Variants in RBFOX1 observed in about 807,000 individuals in gnomAD.
RBFOX1 encodes RNA binding fox-1 homolog 1.
In RBFOX1, 8 loss-of-function variants were observed where a neutral mutation model predicts 57.7. That is an observed-to-expected ratio of 0.14 (90% CI 0.08 to 0.25). The LOEUF is 0.25. Among genes scored for constraint, RBFOX1 ranks in the 10% least tolerant of loss-of-function variants. The pLI, the probability that RBFOX1 is intolerant of heterozygous loss-of-function variation, is 1.00. For missense variants in RBFOX1, 611 were observed against 548.5 expected, an observed-to-expected ratio of 1.11 and a Z score of -1.14; for synonymous variants, 326 against 222.4, an observed-to-expected ratio of 1.47 and a Z score of -4.15.
chr16:7,612,813 C>A (rs1453327441), intron 10 of RBFOX1, among the ~76,000 whole-genome samples: 1 of 152,096 alleles, frequency 6.6e-6, no homozygotes, highest in Non-Finnish European at 1.5e-5. Context: ...CAGTAAAATA[C>A]ACACTGCAAA....
intron 3 of RBFOX1, among the ~76,000 whole-genome samples, chr16:6,788,164 G>C (rs578156581): frequency 6.6e-6 from 1 of 152,302 alleles, no homozygotes; most frequent in African/African-American, 2.4e-5. Context: ...GGATGTTGGA[G>C]TGAGCTGAGA....
intron 3 of RBFOX1, among the ~76,000 whole-genome samples, chr16:6,670,766 G>A (rs2098759087): frequency 6.6e-6 from 1 of 152,150 alleles, no homozygotes; most frequent in African/African-American, 2.4e-5. Context: ...GGGAGGCCGA[G>A]CTGGGTGGAT....
At chr16:6,402,559 G>T (rs1219906420) in intron 2 of RBFOX1, among the ~76,000 whole-genome samples, 2 of 152,044 alleles carry the variant, frequency 1.3e-5, no homozygotes, top group African/African-American at 2.4e-5. Flanking sequence ...ACTGCTTTCT[G>T]CTTAAGAGTG....
intron 3 of RBFOX1, among the ~76,000 whole-genome samples, chr16:5,721,750 G>A (rs1003798460): frequency 2.6e-5 from 4 of 152,042 alleles, no homozygotes; most frequent in Non-Finnish European, 4.4e-5. Flanking sequence ...TTTATTATCT[G>A]CTCATTCTGA....
intron 14 of RBFOX1, among the ~76,000 whole-genome samples, chr16:7,685,779 C>T (rs1279559651): frequency 2.0e-5 from 3 of 152,070 alleles, no homozygotes; most frequent in Non-Finnish European, 4.4e-5. Context: ...CTCTGGGAAC[C>T]TGTGCCTTGC....
At chr16:6,678,367 A>G (rs1175507186) in intron 3 of RBFOX1, among the ~76,000 whole-genome samples, 2 of 151,916 alleles carry the variant, frequency 1.3e-5, no homozygotes, top group African/African-American at 2.4e-5. Context: ...CAAGTCATCT[A>G]CCCAACTCAG....
intron 3 of RBFOX1, among the ~76,000 whole-genome samples, chr16:6,739,592 G>C (rs994968441): frequency 4.7e-5 from 7 of 148,632 alleles, no homozygotes; most frequent in African/African-American, 1.7e-4. Context: ...AAAATAGAAG[G>C]TGGGCCAGGT....
At chr16:6,366,442 G>A (rs574932461) in intron 2 of RBFOX1, among the ~76,000 whole-genome samples, 1 of 152,152 alleles carries the variant, frequency 6.6e-6, no homozygotes, top group East Asian at 1.9e-4. Flanking sequence ...TTCATGGAGA[G>A]ATATGAGACA....
At chr16:6,232,720 A>G in intron 1 of RBFOX1, among the ~76,000 whole-genome samples, 1 of 152,216 alleles carries the variant, frequency 6.6e-6, no homozygotes, top group African/African-American at 2.4e-5. Context: ...CCTGTCTCTG[A>G]GTTTCTCTTA....
chr16:7,150,117 G>A (rs186130615), intron 4 of RBFOX1, among the ~76,000 whole-genome samples: 3 of 152,186 alleles, frequency 2.0e-5, no homozygotes, highest in East Asian at 1.9e-4. Flanking sequence ...TGCTTATTCC[G>A]GTCATAGGGC....
At chr16:7,257,003 G>C (rs1468965129) in intron 4 of RBFOX1, among the ~76,000 whole-genome samples, 1 of 152,074 alleles carries the variant, frequency 6.6e-6, no homozygotes, top group African/African-American at 2.4e-5. Context: ...TTCTGATCCT[G>C]TCTCCTCTCC....
At chr16:5,450,314 C>G (rs1001530396) in intron 1 of RBFOX1, among the ~76,000 whole-genome samples, 3 of 152,156 alleles carry the variant, frequency 2.0e-5, no homozygotes, top group African/African-American at 7.2e-5. Context: ...ACATAAACAG[C>G]CCCTGAGATT....
intron 1 of RBFOX1, among the ~76,000 whole-genome samples, chr16:5,454,604 A>AG (rs1177487536): frequency 6.6e-6 from 1 of 152,218 alleles, no homozygotes; most frequent in African/African-American, 2.4e-5. Context: ...ATTCTGCAGT[A>AG]GGTGGCCCTT....
rs190357303 is a variant in RBFOX1 at position 6,844,374 on chromosome 16, G to A, written c.-16+189724G>A. Reference sequence around the variant, plus strand: ...TTCCTTCCCCTCAGCAGATCCCCACGCCCATTGTTCTCTCCCATGTGCCCA... The same window carrying A: ...TTCCTTCCCCTCAGCAGATCCCCACACCCATTGTTCTCTCCCATGTGCCCA... On this transcript the variant is annotated intron_variant, in intron 3 of 15. Transcript: ENST00000550418. 1.5e-3 allele frequency among the ~76,000 whole-genome samples: 232 copies of A among 152,034 alleles called. 1 individual carries two copies. The highest frequency in any genetic ancestry group is 5.2e-3 in the Admixed American group (79 of 15,268).
intron 2 of RBFOX1, among the ~76,000 whole-genome samples, chr16:5,475,038 A>G (rs915052730): frequency 2.6e-5 from 4 of 152,102 alleles, no homozygotes; most frequent in African/African-American, 4.8e-5. Flanking sequence ...GCTACCCTTC[A>G]TTTTGTAAGA....
intron 4 of RBFOX1, among the ~76,000 whole-genome samples, chr16:7,110,855 A>G (rs2064603355): frequency 6.6e-6 from 1 of 152,186 alleles, no homozygotes; most frequent in South Asian, 2.1e-4. Context: ...ACTGGTAAAG[A>G]ATATGTGTTC....
chr16:6,553,537 T>A (rs888916692), intron 2 of RBFOX1, among the ~76,000 whole-genome samples: 3 of 152,208 alleles, frequency 2.0e-5, no homozygotes, highest in Non-Finnish European at 4.4e-5. Context: ...TACCACCCAA[T>A]ATCCAATTGT....
At chr16:5,952,157 G>GTT (rs1159690419) in intron 4 of RBFOX1, among the ~76,000 whole-genome samples, 1 of 141,500 alleles carries the variant, frequency 7.1e-6, no homozygotes. Flanking sequence ...TTTTGGTTTT[G>GTT]TTTTTTTTTT....
At chr16:6,690,408 A>G (rs1056109944) in intron 3 of RBFOX1, among the ~76,000 whole-genome samples, 9 of 152,184 alleles carry the variant, frequency 5.9e-5, no homozygotes, top group African/African-American at 2.2e-4. Flanking sequence ...GGGCCATCAC[A>G]CTTTTAAAAA....
Sources: gnomAD v4.1 joint callset for allele counts (sites outside exome capture counted in the v4.1 genomes callset) on GRCh38, gnomAD v4.1.1 for gene constraint, MANE v1.5 for transcripts, NCBI Gene and HGNC (gene_info 2026-07-23, HGNC 2026-07-21) for gene names.